The following HNF4G variants were observed in gnomAD, a reference collection of about 807,000 sequenced individuals.
HNF4G encodes hepatocyte nuclear factor 4-gamma.
Under a neutral mutation model 50.9 loss-of-function variants are expected in HNF4G, and 21 were observed. The ratio of observed to expected loss-of-function variants is 0.41; its 90% CI spans 0.29 to 0.59. The LOEUF (loss-of-function observed/expected upper bound fraction) is 0.59. Among genes scored for constraint, HNF4G ranks in the 20% least tolerant of loss-of-function variants. HNF4G has a pLI of 0.26. For missense variants in HNF4G, 527 were observed against 559.4 expected, an observed-to-expected ratio of 0.94 and a Z score of 0.58; for synonymous variants, 198 against 185.6, an observed-to-expected ratio of 1.07 and a Z score of -0.54.
At chr8:75,414,011 G>T (rs1810568948) in intron 1 of HNF4G, among the ~76,000 whole-genome samples, 1 of 151,994 alleles carries the variant, frequency 6.6e-6, no homozygotes, top group Non-Finnish European at 1.5e-5. Flanking sequence ...TTTAAGTCAG[G>T]TTTATTGAGA....
intron 1 of HNF4G, 52 bp downstream of exon 1, chr8:75,540,132 A>C: frequency 9.2e-7 from 1 of 1,082,628 alleles, no homozygotes. Context: ...TAATTGGAGA[A>C]GGTGGAAGAC....
intron 1 of HNF4G, among the ~76,000 whole-genome samples, chr8:75,455,079 T>C (rs750927642): frequency 7.2e-5 from 11 of 152,296 alleles, no homozygotes; most frequent in Non-Finnish European, 1.2e-4. Context: ...AATACATTCA[T>C]TAAATGTATT....
intron 2 of HNF4G, among the ~76,000 whole-genome samples, chr8:75,494,371 A>C (rs959764313): frequency 2.0e-5 from 3 of 151,656 alleles, no homozygotes; most frequent in African/African-American, 7.3e-5. Flanking sequence ...ACACAAGGAG[A>C]CCAAGAAAAA....
chr8:75,529,245 C>T (rs1223323139), intron 2 of HNF4G, among the ~76,000 whole-genome samples: 5 of 151,758 alleles, frequency 3.3e-5, no homozygotes, highest in African/African-American at 7.3e-5. Context: ...GAGCTGAGAT[C>T]GCGCCACTGC....
intron 1 of HNF4G, among the ~76,000 whole-genome samples, chr8:75,415,103 A>G (rs1810602009): frequency 1.3e-5 from 2 of 152,204 alleles, no homozygotes; most frequent in Non-Finnish European, 2.9e-5. Flanking sequence ...TTTAATTTGT[A>G]TTTCCCTAAT....
rs57693838 is a variant in HNF4G, at chr8:75,486,457, T to G, written c.-143-3632T>G. The stretch of plus-strand genomic sequence containing the variant: ...TCATATACATGTTGAATCTGTGTTA[T>G]GTACAAAGTAGTAAGCTAAGCCCTT... On this transcript the variant is annotated intron_variant, in intron 1 of 10. Coordinates refer to the HNF4G transcript ENST00000354370. Among the ~76,000 whole-genome samples the G allele has an allele frequency of 3.9e-3, 595 of 152,306 alleles. 6 individuals are homozygous for G. Among genetic ancestry groups the G allele is most frequent in the African/African-American group, 0.014 (576 of 41,580 alleles).
At chr8:75,554,425 A>C (rs1807056058) in intron 5 of HNF4G, among the ~76,000 whole-genome samples, 1 of 152,210 alleles carries the variant, frequency 6.6e-6, no homozygotes, top group Admixed American at 6.5e-5. Flanking sequence ...TATAACATTT[A>C]TTAATTAGCC....
intron 1 of HNF4G, among the ~76,000 whole-genome samples, chr8:75,418,105 G>GA (rs1810685481): frequency 6.6e-6 from 1 of 152,208 alleles, no homozygotes; most frequent in African/African-American, 2.4e-5. Context: ...AGAAATTTAA[G>GA]ATTAAGGTTT....
At chr8:75,479,673 GA>G (rs1812327290) in intron 1 of HNF4G, among the ~76,000 whole-genome samples, 1 of 150,204 alleles carries the variant, frequency 6.7e-6, no homozygotes, top group Non-Finnish European at 1.5e-5. Context: ...TTTAAAATTA[GA>G]AACTGGATAA....
intron 1 of HNF4G, among the ~76,000 whole-genome samples, chr8:75,487,016 A>G (rs1012493345): frequency 1.6e-4 from 23 of 147,982 alleles, no homozygotes; most frequent in Admixed American, 1.1e-3. Flanking sequence ...AAAAAAAATG[A>G]TAAGAAAAAA....
At chr8:75,436,709 G>A (rs760821891) in intron 1 of HNF4G, among the ~76,000 whole-genome samples, 1 of 152,154 alleles carries the variant, frequency 6.6e-6, no homozygotes, top group African/African-American at 2.4e-5. Flanking sequence ...TTAAAAAGAA[G>A]CAAAGCTGTA....
chr8:75,505,928 T>C (rs1370476660), intron 2 of HNF4G, among the ~76,000 whole-genome samples: 1 of 151,874 alleles, frequency 6.6e-6, no homozygotes, highest in Admixed American at 6.6e-5. Context: ...ATTTTAATTA[T>C]TTTTTTTAAA....
intron 1 of HNF4G, among the ~76,000 whole-genome samples, chr8:75,430,474 TAGAGAGAGAGAG>T (rs66481707): frequency 1.5e-5 from 2 of 136,048 alleles, no homozygotes. Context: ...GGGTAGGGAG[TAGAGAGAGAGAG>T]AGAGAGAGAG....
chr8:75,431,741 C>G (rs1308040635), intron 1 of HNF4G, among the ~76,000 whole-genome samples: 1 of 151,868 alleles, frequency 6.6e-6, no homozygotes, highest in Non-Finnish European at 1.5e-5. Context: ...GCCTGGCCAA[C>G]GTGGTGAAAC....
chr8:75,552,298 GA>G (rs906834578), intron 4 of HNF4G, among the ~76,000 whole-genome samples: 8 of 152,032 alleles, frequency 5.3e-5, no homozygotes, highest in Admixed American at 4.6e-4. Flanking sequence ...TTTAGAGAAT[GA>G]CCTAAAGGGG....
intron 1 of HNF4G, among the ~76,000 whole-genome samples, chr8:75,409,056 A>G (rs1175785493): frequency 6.6e-6 from 1 of 151,824 alleles, no homozygotes; most frequent in Non-Finnish European, 1.5e-5. Flanking sequence ...CTCTCTTTTC[A>G]TGTCCTGTGG....
At chr8:75,494,445 T>G (rs182188246) in intron 2 of HNF4G, among the ~76,000 whole-genome samples, 1 of 151,566 alleles carries the variant, frequency 6.6e-6, no homozygotes, top group East Asian at 2.1e-4. Context: ...AGATGAACAT[T>G]AATAAGGTCT....
chr8:75,563,747 T>TG (rs1321205219), intron 9 of HNF4G, among the ~76,000 whole-genome samples: 1 of 152,022 alleles, frequency 6.6e-6, no homozygotes, highest in Non-Finnish European at 1.5e-5. Flanking sequence ...ATGAAAAAAA[T>TG]TTTTTAACAT....
At chr8:75,527,418 G>A (rs1175634206) in intron 2 of HNF4G, among the ~76,000 whole-genome samples, 1 of 152,188 alleles carries the variant, frequency 6.6e-6, no homozygotes, top group Admixed American at 6.5e-5. Flanking sequence ...CAGGAGCATA[G>A]CCCTATTTCT....
Sources: gnomAD v4.1 joint callset for allele counts (sites outside exome capture counted in the v4.1 genomes callset) on GRCh38, gnomAD v4.1.1 for gene constraint, MANE v1.5 for transcripts, NCBI Gene and HGNC (gene_info 2026-07-23, HGNC 2026-07-21) for gene names.